ZNF644: variants seen among roughly 807,000 people sequenced by gnomAD.
ZNF644 encodes the protein zinc finger motif enhancer binding protein 2.
In ZNF644, 20 loss-of-function variants were observed where a neutral mutation model predicts 108.0. The ratio of observed to expected loss-of-function variants is 0.19; its 90% CI spans 0.13 to 0.27. The LOEUF is 0.27. Ranked by LOEUF, ZNF644 falls within the 10% of genes least tolerant of loss-of-function variation. The pLI is 1.00. For missense variants in ZNF644, 1,338 were observed against 1,548.9 expected (o/e 0.86, Z 2.29); for synonymous variants, 542 against 539.1 (o/e 1.01, Z -0.08).
chr1:90,925,304 A>G (rs1326500637), intron 4 of ZNF644, among the ~76,000 whole-genome samples: 1 of 152,212 alleles, frequency 6.6e-6, no homozygotes, highest in Non-Finnish European at 1.5e-5. Context: ...ACAAAGAACA[A>G]TGTATAGCCA....
intron 2 of ZNF644, among the ~76,000 whole-genome samples, chr1:90,946,678 C>CA (rs1340751106): frequency 2.6e-5 from 4 of 151,922 alleles, no homozygotes; most frequent in Non-Finnish European, 5.9e-5. Context: ...AACACACTGC[C>CA]ACAGAGCTAA....
At chr1:90,918,385 C>CAGTACAGATAATACCG in intron 4 of ZNF644, 1 of 490,370 alleles carries the variant, frequency 2.0e-6, no homozygotes, top group Non-Finnish European at 3.7e-6. Flanking sequence ...CTGTATTCTT[C>CAGTACAGATAATACCG]CTATACTGCC....
chr1:90,996,619 T>C (rs575186670), intron 1 of ZNF644, among the ~76,000 whole-genome samples: 6 of 152,256 alleles, frequency 3.9e-5, no homozygotes, highest in Non-Finnish European at 8.8e-5. Flanking sequence ...ACCCCGTCTC[T>C]AAATAATGTT....
chr1:91,011,475 T>A (rs931577222), intron 1 of ZNF644, among the ~76,000 whole-genome samples: 10 of 152,156 alleles, frequency 6.6e-5, no homozygotes, highest in Non-Finnish European at 1.5e-4. Flanking sequence ...TCAGAAAAAA[T>A]TCTTTATCTG....
Position 90,998,868 on chromosome 1 carries a change from T to C in ZNF644, c.-17-16498A>G, listed in dbSNP as rs542378888. Among the ~76,000 whole-genome samples the C allele has an allele frequency of 6.0e-4, 92 of 152,094 alleles. 1 individual carries two copies. Among genetic ancestry groups the C allele is most frequent in the Non-Finnish European group, 9.1e-4 (62 of 68,026 alleles). On this transcript the variant is annotated intron_variant, in intron 1 of 5. Transcript: ENST00000337393. ...AAGTCCTTACATGACCTGATGGAGC[T>C]GAAAACCATGGCACGAGAACTACGT...
chr1:90,957,646 G>C (rs965027986), intron 2 of ZNF644, among the ~76,000 whole-genome samples: 5 of 152,088 alleles, frequency 3.3e-5, no homozygotes, highest in African/African-American at 4.8e-5. Context: ...ACATGACAAA[G>C]AGCATAAAAA....
chr1:90,999,877 G>A (rs1055388367), intron 1 of ZNF644, among the ~76,000 whole-genome samples: 10 of 151,982 alleles, frequency 6.6e-5, no homozygotes, highest in Non-Finnish European at 8.8e-5. Context: ...AAAAAGGCAG[G>A]GGTTGCAATC....
At chr1:91,003,480 A>G (rs1003765759) in intron 1 of ZNF644, among the ~76,000 whole-genome samples, 4 of 151,888 alleles carry the variant, frequency 2.6e-5, no homozygotes, top group Non-Finnish European at 5.9e-5. Flanking sequence ...GAATTGAACA[A>G]TGAGAACACT....
At chr1:90,978,089 C>T (rs770890998) in intron 2 of ZNF644, among the ~76,000 whole-genome samples, 2 of 152,152 alleles carry the variant, frequency 1.3e-5, no homozygotes, top group Non-Finnish European at 2.9e-5. Flanking sequence ...CAGTGGCTCA[C>T]GCCTATCATC....
In ZNF644 at chr1:90,939,692, G is replaced by A. The variant is rs1651753789; in HGVS notation, c.1662C>T (p.Cys554=). Residue 554 remains cysteine (C), a synonymous_variant, in exon 3 of 6, where the codon TGC becomes TGT. Coordinates refer to ENST00000337393, the MANE Select transcript of ZNF644 (RefSeq NM_201269.3). ...RGIAHGAVVK[C]PMVTSDIAQR... is the part of the protein sequence containing the mutation. ...GGGCAATATCAGAAGTGACCATAGG[G>A]CATTTTACCACTGCCCCATGTGCAA... is the stretch of plus-strand genomic sequence containing the variant. The A allele has an allele frequency of 5.0e-6, 8 of 1,613,902 alleles. No homozygotes were observed. Among genetic ancestry groups the A allele is most frequent in the African/African-American group, 1.3e-5 (1 of 75,014 alleles).
At chr1:90,948,904 A>G (rs988843061) in intron 2 of ZNF644, among the ~76,000 whole-genome samples, 2 of 152,216 alleles carry the variant, frequency 1.3e-5, no homozygotes, top group Non-Finnish European at 2.9e-5. Context: ...TAATATGTAG[A>G]TTTCTTAAAC....
At chr1:90,919,979 CACA>C (rs1183495407) in intron 4 of ZNF644, among the ~76,000 whole-genome samples, 24 of 152,096 alleles carry the variant, frequency 1.6e-4, no homozygotes, top group Middle Eastern at 3.4e-3. Context: ...CTAGGTTATT[CACA>C]ACAACTACAA....
intron 1 of ZNF644, among the ~76,000 whole-genome samples, chr1:91,005,921 G>A (rs1229078235): frequency 6.6e-6 from 1 of 151,014 alleles, no homozygotes; most frequent in Non-Finnish European, 1.5e-5. Context: ...AGCAGAAATA[G>A]AGAACAGAAA....
chr1:90,921,073 T>C (rs1649376794), intron 4 of ZNF644, among the ~76,000 whole-genome samples: 1 of 152,054 alleles, frequency 6.6e-6, no homozygotes, highest in Admixed American at 6.6e-5. Flanking sequence ...CTATATAGGA[T>C]CCTCTACATA....
At chr1:90,948,556 A>G (rs1050538899) in intron 2 of ZNF644, among the ~76,000 whole-genome samples, 11 of 152,258 alleles carry the variant, frequency 7.2e-5, no homozygotes. Context: ...ACTTGACACC[A>G]TCTATGGATA....
rs116363804 is a variant in ZNF644 at position 91,013,950 on chromosome 1, T to C, written c.-18+8040A>G. ...TTTATTTTATTTTTTGATGTGGCTA[T>C]AGAAAATCTAAAATTGCATTTGTGG... On this transcript the variant is annotated intron_variant, in intron 1 of 5. Transcript: ENST00000337393. Among the ~76,000 whole-genome samples, 678 of 152,340 alleles carry C rather than the reference T, an allele frequency of 4.5e-3. 4 individuals carry two copies. Among genetic ancestry groups the C allele is most frequent in the African/African-American group, 0.016 (651 of 41,588 alleles).
chr1:90,968,060 C>CAAAA (rs763728133), intron 2 of ZNF644, among the ~76,000 whole-genome samples: 20 of 67,112 alleles, frequency 3.0e-4, no homozygotes, highest in East Asian at 5.0e-4. Flanking sequence ...GACTCCGTCT[C>CAAAA]AAAAAAAAAA....
At chr1:90,942,210 T>C (rs962995109) in intron 2 of ZNF644, among the ~76,000 whole-genome samples, 5 of 152,198 alleles carry the variant, frequency 3.3e-5, no homozygotes, top group Non-Finnish European at 7.3e-5. Flanking sequence ...TAGAATAGCA[T>C]AAACATATGT....
intron 2 of ZNF644, among the ~76,000 whole-genome samples, chr1:90,960,341 G>A (rs925078464): frequency 1.3e-5 from 2 of 152,092 alleles, no homozygotes; most frequent in Non-Finnish European, 2.9e-5. Context: ...AGTTATGAAC[G>A]TGGTGCATTT....
Sources: allele counts gnomAD v4.1 joint callset (sites outside exome capture counted in the v4.1 genomes callset), GRCh38; gene constraint gnomAD v4.1.1; transcripts MANE v1.5; gene names NCBI Gene and HGNC (gene_info 2026-07-23, HGNC 2026-07-21).